The following HDGFL3 variants were observed in gnomAD, a reference collection of about 807,000 sequenced individuals.
HDGFL3 encodes HDGF like 3.
A neutral mutation model predicts 27.6 loss-of-function variants in HDGFL3; 6 were observed. The observed-to-expected ratio is 0.22, with a 90% CI of 0.12 to 0.43. The LOEUF is 0.43. Among genes scored for constraint, HDGFL3 ranks in the 20% least tolerant of loss-of-function variants. HDGFL3 has a pLI of 1.00. For missense variants in HDGFL3, 207 were observed against 250.1 expected (o/e 0.83, Z 1.16); for synonymous variants, 88 against 88.9 (o/e 0.99, Z 0.05).
chr15:83,173,838 A>G lies in HDGFL3; in HGVS notation c.85-9763T>C, dbSNP rs138031291. Among the ~76,000 whole-genome samples the G allele has an allele frequency of 5.2e-3, 786 of 152,320 alleles. 5 individuals are homozygous for G. The highest frequency in any genetic ancestry group is 0.01 in the Middle Eastern group (3 of 294). On this transcript the variant is annotated intron_variant, in intron 1 of 5. Coordinates refer to ENST00000299633, the MANE Select transcript of HDGFL3 (RefSeq NM_016073.4). ...AAAGACTACAAATAGGAAAGGAGGCACACTTATAGTTTAAAGAATAAGAAA... is the reference window on the plus strand; with the variant it reads ...AAAGACTACAAATAGGAAAGGAGGCGCACTTATAGTTTAAAGAATAAGAAA...
At chr15:83,119,540 CTTAT>C (rs138916172) in intron 3 of HDGFL3, 49,174 of 1,608,746 alleles carry the variant, frequency 0.031, 894 homozygotes, top group Non-Finnish European at 0.037. Flanking sequence ...ATTTACAGGT[CTTAT>C]TTAAAGTGGA....
chr15:83,164,829 T>C (rs965264), intron 1 of HDGFL3, among the ~76,000 whole-genome samples: 38,183 of 152,160 alleles, frequency 0.25, 5,156 homozygotes, highest in African/African-American at 0.35. Context: ...CTTAGAATGT[T>C]TCAAGAAAGG....
At chr15:83,195,374 T>C (rs914524865) in intron 1 of HDGFL3, among the ~76,000 whole-genome samples, 3 of 152,116 alleles carry the variant, frequency 2.0e-5, no homozygotes, top group Admixed American at 1.3e-4. Flanking sequence ...ATGCTGTTGA[T>C]TGCTAAATGT....
intron 1 of HDGFL3, among the ~76,000 whole-genome samples, chr15:83,186,857 C>G (rs983749473): frequency 6.6e-6 from 1 of 152,140 alleles, no homozygotes; most frequent in Non-Finnish European, 1.5e-5. Context: ...CCAACAACCA[C>G]TTGTACCCCA....
Position 83,193,648 on chromosome 15 carries a change from C to A in HDGFL3, c.84+13683G>T, listed in dbSNP as rs541052261. Among the ~76,000 whole-genome samples the A allele has an allele frequency of 2.0e-5, 3 of 152,340 alleles. No homozygotes were observed. The South Asian group carries it at 6.2e-4, about 32-fold the overall frequency. ...AGCAACTCTCCGTAGGACACACCTA[C>A]CAGTGCCATGTCAATTTACCGTTGC... On this transcript the variant is annotated intron_variant, in intron 1 of 5. Transcript: ENST00000299633.
rs754439426 is a variant in HDGFL3 at position 83,129,862 on chromosome 15, C to A, written c.*9408G>T. ...AGGTCTGAGGGCAGAGTAAGCCTTG[C>A]CTTTTTTTTTGGCCTGGTTCCTCTG... On this transcript the variant is annotated 3_prime_UTR_variant, in exon 6 of 6. Transcript: ENST00000299633. 2 of 152,264 alleles carry A rather than the reference C, an allele frequency of 1.3e-5. No individual in the cohort carries two copies. The highest frequency in any genetic ancestry group is 2.9e-5 in the Non-Finnish European group (2 of 68,080). The allele number at this position is 152,264 out of a possible 1,614,324, so 9.4% of individuals were successfully genotyped here. A position where few individuals can be genotyped will look rare whatever the true frequency, so the allele number is the denominator to read the frequency against.
chr15:83,149,479 AAGAAGGAACAGGG>A (rs1348371144), intron 5 of HDGFL3, among the ~76,000 whole-genome samples: 2 of 152,220 alleles, frequency 1.3e-5, no homozygotes, highest in Non-Finnish European at 2.9e-5. Context: ...GAAAGAGACT[AAGAAGGAACAGGG>A]AGAGGAAGCA....
chr15:83,158,306 A>G (rs796364289), intron 2 of HDGFL3, among the ~76,000 whole-genome samples: 7 of 152,230 alleles, frequency 4.6e-5, no homozygotes, highest in African/African-American at 1.7e-4. Context: ...TCATTTAAAA[A>G]CTGATTTTTA....
chr15:83,150,231 C>T (rs946889830), intron 5 of HDGFL3, among the ~76,000 whole-genome samples: 19 of 152,180 alleles, frequency 1.2e-4, no homozygotes, highest in East Asian at 9.6e-4. Context: ...CATATTGAAG[C>T]GACCTGACAT....
At chr15:83,192,351 C>T (rs1221280673) in intron 1 of HDGFL3, 10 of 452,322 alleles carry the variant, frequency 2.2e-5, no homozygotes, top group Non-Finnish European at 1.3e-5. Context: ...GATAGACATG[C>T]ACTCCTGACA....
chr15:83,192,989 A>C (rs1423932558), intron 1 of HDGFL3, among the ~76,000 whole-genome samples: 1 of 152,124 alleles, frequency 6.6e-6, no homozygotes, highest in Non-Finnish European at 1.5e-5. Flanking sequence ...ATTCCATGTA[A>C]CGCCATGTCA....
At chr15:83,187,761 G>A (rs2151418763) in intron 1 of HDGFL3, among the ~76,000 whole-genome samples, 1 of 152,148 alleles carries the variant, frequency 6.6e-6, no homozygotes, top group Non-Finnish European at 1.5e-5. Context: ...GGTGGCACAT[G>A]CCTGTAATCC....
At chr15:83,202,470 T>C (rs1235999497) in intron 1 of HDGFL3, among the ~76,000 whole-genome samples, 1 of 152,010 alleles carries the variant, frequency 6.6e-6, no homozygotes, top group African/African-American at 2.4e-5. Flanking sequence ...CTAAAGAGAA[T>C]GCTCTAAAGT....
chr15:83,156,926 T>C (rs1040039846), intron 4 of HDGFL3, among the ~76,000 whole-genome samples: 2 of 152,142 alleles, frequency 1.3e-5, no homozygotes, highest in African/African-American at 4.8e-5. Context: ...CTCGATCTCC[T>C]GACCTTGTGA....
chr15:83,169,672 G>C (rs1336376108), intron 1 of HDGFL3, among the ~76,000 whole-genome samples: 1 of 151,556 alleles, frequency 6.6e-6, no homozygotes, highest in South Asian at 2.1e-4. Flanking sequence ...GTGGTGGCTC[G>C]TGCCTGTAAT....
intron 5 of HDGFL3, among the ~76,000 whole-genome samples, chr15:83,145,654 C>T (rs1343920152): frequency 6.6e-6 from 1 of 152,166 alleles, no homozygotes; most frequent in Non-Finnish European, 1.5e-5. Context: ...TTCCTGCAAT[C>T]ATCTACAGAC....
intron 5 of HDGFL3, among the ~76,000 whole-genome samples, chr15:83,142,805 T>C (rs1324080705): frequency 6.6e-6 from 1 of 152,220 alleles, no homozygotes; most frequent in Non-Finnish European, 1.5e-5. Context: ...GATCTAGTTG[T>C]CTTCTATCAA....
downstream of HDGFL3, among the ~76,000 whole-genome samples, chr15:83,123,790 G>A (rs960312392): frequency 4.6e-5 from 7 of 152,206 alleles, no homozygotes; most frequent in Non-Finnish European, 8.8e-5. Flanking sequence ...ATGTCAGTGT[G>A]TCAACAGAGT....
intron 1 of HDGFL3, among the ~76,000 whole-genome samples, chr15:83,200,446 A>T (rs866798555): frequency 6.6e-6 from 1 of 152,232 alleles, no homozygotes. Flanking sequence ...TCACTATTAT[A>T]AAGCCACAAA....
Sources: allele counts gnomAD v4.1 joint callset (sites outside exome capture counted in the v4.1 genomes callset), GRCh38; gene constraint gnomAD v4.1.1; transcripts MANE v1.5; gene names NCBI Gene and HGNC (gene_info 2026-07-23, HGNC 2026-07-21).